The following PAXBP1 variants were observed in gnomAD, a reference collection of about 807,000 sequenced individuals.
PAXBP1 encodes the protein PAX3 and PAX7 binding protein 1, also known as PAX3- and PAX7-binding protein 1.
A neutral mutation model predicts 119.9 loss-of-function variants in PAXBP1; 44 were observed. The observed-to-expected ratio is 0.37, with a 90% CI of 0.29 to 0.47. The LOEUF is 0.47. PAXBP1 is among the 20% of genes least tolerant of loss of function. The pLI is 0.99. For missense variants in PAXBP1, 898 were observed against 1,134.1 expected (o/e 0.79, Z 2.99); for synonymous variants, 393 against 406.6 (o/e 0.97, Z 0.40).
Position 32,769,804 on chromosome 21 carries a change from TG to T in PAXBP1, c.472+9del. Reference sequence around the variant, plus strand: ...TCATTTCAAAAGAATTCAATTAGTTTGGTACTTACTTTCAGCTGATGAGTTG... The same window carrying T: ...TCATTTCAAAAGAATTCAATTAGTTTGTACTTACTTTCAGCTGATGAGTTG... On this transcript the variant is annotated intron_variant, in intron 2 of 17. Transcript: ENST00000331923. 6.2e-7 allele frequency: 1 copy of T among 1,600,670 alleles called. No homozygotes were observed. Among genetic ancestry groups the T allele is most frequent in the Non-Finnish European group, 8.5e-7 (1 of 1,176,808 alleles).
At chr21:32,764,014 T>G (rs541282847) in intron 3 of PAXBP1, among the ~76,000 whole-genome samples, 1 of 142,244 alleles carries the variant, frequency 7.0e-6, no homozygotes, top group East Asian at 2.1e-4. Context: ...AAAAAAAAAC[T>G]AACAGAAACT....
intron 15 of PAXBP1, chr21:32,741,522 A>G (rs750506877): frequency 1.3e-6 from 1 of 778,568 alleles, no homozygotes. Flanking sequence ...AGAGAAGACA[A>G]CACAAGGCCT....
intron 12 of PAXBP1, 37 bp downstream of exon 12, chr21:32,745,537 G>A (rs767212390): frequency 1.2e-6 from 2 of 1,607,536 alleles, no homozygotes; most frequent in Admixed American, 1.7e-5. Context: ...GAAAGCCAGT[G>A]TGTCTGAATG....
At chr21:32,763,137 T>C (rs2044178506) in intron 3 of PAXBP1, among the ~76,000 whole-genome samples, 1 of 152,178 alleles carries the variant, frequency 6.6e-6, no homozygotes, top group East Asian at 1.9e-4. Flanking sequence ...AAACATAATT[T>C]TTAATGGTTT....
chr21:32,753,447 A>AC (rs2043993563), intron 8 of PAXBP1, among the ~76,000 whole-genome samples: 1 of 150,716 alleles, frequency 6.6e-6, no homozygotes, highest in East Asian at 1.9e-4. Flanking sequence ...AAAAAAAAAA[A>AC]CATTATACTT....
At chr21:32,764,661 C>A in intron 2 of PAXBP1, 137 bp from the exon 3 acceptor site, 1 of 602,376 alleles carries the variant, frequency 1.7e-6, no homozygotes, top group Non-Finnish European at 2.8e-6. Context: ...GGGCTCAATC[C>A]AGTAAAGCTT....
At chr21:32,769,181 T>G (rs1228539744) in intron 2 of PAXBP1, among the ~76,000 whole-genome samples, 1 of 152,194 alleles carries the variant, frequency 6.6e-6, no homozygotes, top group East Asian at 1.9e-4. Context: ...TAAAATAGCA[T>G]TTGCAGGAGA....
chr21:32,744,718 T>A, intron 13 of PAXBP1, 74 bp downstream of exon 13: 1 of 1,416,472 alleles, frequency 7.1e-7, no homozygotes, highest in South Asian at 1.5e-5. Flanking sequence ...GGATAACCAC[T>A]CATTCTCTCA....
chr21:32,771,462 C>T lies in PAXBP1; in HGVS notation c.207G>A (p.Pro69=), dbSNP rs1230804610. 10 of 1,382,124 alleles carry T rather than the reference C, an allele frequency of 7.2e-6. No individual in the cohort carries two copies. The highest frequency in any genetic ancestry group is 4.8e-5 in the South Asian group (3 of 62,762). The allele number at this position is 1,382,124 out of a possible 1,614,324, so 85.6% of individuals were successfully genotyped here. The stretch of plus-strand genomic sequence containing the variant: ...CGCCCCCGGCCTCAGCCCCGAGGCC[C>T]GGGGTCAGCGCGGAAGGCGGCGACG... ...PGPSPPSALT[P]GLGAEAGGGF... is the part of the protein sequence containing the mutation. The change falls in exon 1 of 18, where the codon CCG becomes CCA. Residue 69 remains proline, a synonymous_variant. Coordinates refer to ENST00000331923, the MANE Select transcript of PAXBP1 (RefSeq NM_016631.4).
intron 14 of PAXBP1, 59 bp downstream of exon 14, chr21:32,743,619 A>C: frequency 7.8e-7 from 1 of 1,286,244 alleles, no homozygotes; most frequent in Non-Finnish European, 1.1e-6. Flanking sequence ...AGAATTTTAT[A>C]AGCCTTCTCT....
rs1437653082 is a variant in PAXBP1, at chr21:32,771,306, GT to G, written c.343+19del. On this transcript the variant is annotated intron_variant, in intron 1 of 17. Coordinates refer to ENST00000331923, the MANE Select transcript of PAXBP1 (RefSeq NM_016631.4). ...GTCGGGGATGCGGCCGTCTAAGGGC[GT>G]CCGAAGCGCGCACTTTACCTTCCTC... 1 of 1,568,308 alleles carries G rather than the reference GT, an allele frequency of 6.4e-7. No individual in the cohort carries two copies. Among genetic ancestry groups the G allele is most frequent in the African/African-American group, 1.4e-5 (1 of 71,850 alleles).
chr21:32,769,708 C>T, intron 2 of PAXBP1, 106 bp downstream of exon 2: 1 of 1,185,614 alleles, frequency 8.4e-7, no homozygotes. Context: ...GGGCCCTTGA[C>T]AACCACAGGG....
At chr21:32,740,214 C>T (rs2043760573) in intron 15 of PAXBP1, among the ~76,000 whole-genome samples, 2 of 152,182 alleles carry the variant, frequency 1.3e-5, no homozygotes, top group African/African-American at 4.8e-5. Flanking sequence ...AGAATGCAAC[C>T]ATCCCTCTCT....
At chr21:32,767,557 G>A (rs1340584574) in intron 2 of PAXBP1, among the ~76,000 whole-genome samples, 1 of 152,170 alleles carries the variant, frequency 6.6e-6, no homozygotes, top group Non-Finnish European at 1.5e-5. Context: ...CCTACGTGTT[G>A]TGGAAGGGAC....
At chr21:32,758,794 A>G (rs1157834210) in intron 7 of PAXBP1, among the ~76,000 whole-genome samples, 2 of 152,204 alleles carry the variant, frequency 1.3e-5, no homozygotes, top group Non-Finnish European at 2.9e-5. Context: ...AGAATTCAGC[A>G]CAGGCCAATA....
chr21:32,747,856 T>G (rs760873518), intron 11 of PAXBP1, among the ~76,000 whole-genome samples: 3 of 151,610 alleles, frequency 2.0e-5, no homozygotes, highest in Non-Finnish European at 4.4e-5. Flanking sequence ...GGCACAATCA[T>G]AGCTCATTAC....
intron 3 of PAXBP1, among the ~76,000 whole-genome samples, 158 bp downstream of exon 3, chr21:32,764,187 TCTC>T: frequency 6.6e-6 from 1 of 152,162 alleles, no homozygotes. Flanking sequence ...AACTTCTGGT[TCTC>T]CTATTTTTTA....
At chr21:32,760,050 A>G (rs544605426) in intron 5 of PAXBP1, 56 bp from the exon 6 acceptor site, 1 of 1,401,264 alleles carries the variant, frequency 7.1e-7, no homozygotes, top group East Asian at 2.3e-5. Context: ...TGAAAATAAT[A>G]ATATGCCTTT....
At chr21:32,741,344 A>T (rs2043780770) in intron 15 of PAXBP1, 1 of 466,534 alleles carries the variant, frequency 2.1e-6, no homozygotes, top group Admixed American at 3.5e-5. Flanking sequence ...GCAAATTAAC[A>T]GGAGAAAAGG....
Sources: gnomAD v4.1 joint callset for allele counts (sites outside exome capture counted in the v4.1 genomes callset) on GRCh38, gnomAD v4.1.1 for gene constraint, MANE v1.5 for transcripts, NCBI Gene and HGNC (gene_info 2026-07-23, HGNC 2026-07-21) for gene names.